Variants in RRM2 observed in about 807,000 individuals in gnomAD.
The protein encoded by RRM2 is ribonucleoside-diphosphate reductase subunit M2.
A neutral mutation model predicts 45.9 loss-of-function variants in RRM2; 6 were observed. That is an observed-to-expected ratio of 0.13 (90% CI 0.07 to 0.26). The LOEUF (loss-of-function observed/expected upper bound fraction) is 0.26, where lower values mean the gene tolerates loss of function less well. Ranked by LOEUF, RRM2 falls within the 10% of genes least tolerant of loss-of-function variation. RRM2 has a pLI of 1.00. For synonymous variants in RRM2, 177 were observed against 173.0 expected (o/e 1.02, Z -0.18); for missense variants, 343 against 489.5 (o/e 0.70, Z 2.82).
At chr2:10,180,024 T>C (rs946663934) in intron 3 of RRM2, among the ~76,000 whole-genome samples, 1 of 152,188 alleles carries the variant, frequency 6.6e-6, no homozygotes, top group African/African-American at 2.4e-5. Context: ...CCAATGACTT[T>C]CCTGTGGGAT....
At chr2:10,140,535 G>A (rs1235651288), upstream of RRM2, among the ~76,000 whole-genome samples, 1 of 152,206 alleles carries the variant, frequency 6.6e-6, no homozygotes, top group Non-Finnish European at 1.5e-5. Flanking sequence ...CATTGGTGGT[G>A]GCTGAGCCAG....
chr2:10,125,610 C>T (rs1046894128), intron 5 of RRM2, among the ~76,000 whole-genome samples: 34 of 152,226 alleles, frequency 2.2e-4, no homozygotes, highest in African/African-American at 8.2e-4. Flanking sequence ...AGGAGAATGG[C>T]GTGAACCCGG....
chr2:10,131,563 A>G (rs1330257563), downstream of RRM2: 2 of 152,080 alleles, frequency 1.3e-5, no homozygotes, highest in East Asian at 3.9e-4. Flanking sequence ...ACATGGTGAC[A>G]CCCCATCTCT....
Position 10,161,680 on chromosome 2 carries a change from TCA to T in RRM2, n.482+19322_482+19323del, listed in dbSNP as rs59307518. On this transcript the variant is annotated intron_variant and non_coding_transcript_variant, in intron 3 of 3. Coordinates refer to the RRM2 transcript ENST00000381786. ...CTCACACTCATGCACACACACACAT[TCA>T]CACACACACACACACATTCACATGC... Among the ~76,000 whole-genome samples, 274 of 149,826 alleles carry T rather than the reference TCA, an allele frequency of 1.8e-3. 1 individual carries two copies. Among genetic ancestry groups the T allele is most frequent in the African/African-American group, 5.5e-3 (224 of 41,058 alleles).
upstream of RRM2, among the ~76,000 whole-genome samples, chr2:10,140,685 A>G (rs1216010765): frequency 6.6e-6 from 1 of 152,246 alleles, no homozygotes; most frequent in African/African-American, 2.4e-5. Context: ...AGTTATGGGT[A>G]TACTGTGCTT....
At position 10,128,964 on chromosome 2, in the gene RRM2, G is replaced by A. The variant is rs1170556155; in HGVS notation, c.903+12G>A. On this transcript the variant is annotated intron_variant, in intron 8 of 9. Coordinates refer to ENST00000304567, the MANE Select transcript of RRM2 (RefSeq NM_001034.4). ...TTCGGATAGAACAGGTAAAGTGGGT[G>A]ATGAAATGGGTCACTCAAGCTTGCT... 1 of 1,607,708 alleles carries A rather than the reference G, an allele frequency of 6.2e-7. No individual in the cohort carries two copies. Among genetic ancestry groups the A allele is most frequent in the Admixed American group, 1.7e-5 (1 of 60,022 alleles).
chr2:10,129,485 C>G lies in RRM2; in HGVS notation c.*99C>G. 3 of 1,230,022 alleles carry G rather than the reference C, an allele frequency of 2.4e-6. No individual in the cohort carries two copies. Among genetic ancestry groups the G allele is most frequent in the Non-Finnish European group, 3.4e-6 (3 of 872,632 alleles). 76.2% of individuals were successfully genotyped at this position (1,230,022 alleles called of 1,614,324 possible). A position where few individuals can be genotyped will look rare whatever the true frequency, so the allele number is the denominator to read the frequency against. On this transcript the variant is annotated 3_prime_UTR_variant, in exon 10 of 10. Transcript: ENST00000304567. This position sits in a 1 kb window ranked among gnomAD's most constrained non-coding sequence, Gnocchi z 4.8. ...CCAACTAGCCACACCATGAATTGTCCGTAATGTTCATTAACAGCATCTTTA... is the reference window on the plus strand; with the variant it reads ...CCAACTAGCCACACCATGAATTGTCGGTAATGTTCATTAACAGCATCTTTA...
intron 3 of RRM2, among the ~76,000 whole-genome samples, chr2:10,147,806 T>A (rs560854970): frequency 3.9e-4 from 60 of 152,326 alleles, no homozygotes; most frequent in Non-Finnish European, 5.3e-4. Context: ...CTCTATGCTA[T>A]CTTTTTCTTA....
chr2:10,128,901 A>G lies in RRM2; in HGVS notation c.852A>G (p.Pro284=), dbSNP rs560570626. The part of the protein sequence containing the change: ...CLMFKHLVHK[P]SEERVREIII... Reference sequence around the variant, plus strand: ...TGTTCAAACACCTGGTACACAAACCATCGGAGGAGAGAGTAAGAGAAATAA... The same window carrying G: ...TGTTCAAACACCTGGTACACAAACCGTCGGAGGAGAGAGTAAGAGAAATAA... Residue 284 remains proline, a synonymous_variant, in exon 8 of 10, where the codon CCA becomes CCG. Coordinates refer to ENST00000304567, the MANE Select transcript of RRM2 (RefSeq NM_001034.4). 9.3e-6 allele frequency: 15 copies of G among 1,614,146 alleles called. No individual in the cohort carries two copies. In the Admixed American group the frequency reaches 1.8e-4, roughly 20 times the overall value.
At position 10,167,514 on chromosome 2, in the gene RRM2, G is replaced by A. The variant is rs368286421; in HGVS notation, n.482+25139G>A. On this transcript the variant is annotated intron_variant and non_coding_transcript_variant, in intron 3 of 3. Transcript: ENST00000381786. ...TGAGTGTCAGGGCTCTGCACGCTGC[G>A]CCCTGCCTTGCTTCTTTCTCTCCTC... Among the ~76,000 whole-genome samples the A allele has an allele frequency of 7.2e-5, 11 of 152,160 alleles. No homozygotes were observed. In the East Asian group the frequency reaches 9.6e-4, roughly 13 times the overall value.
At position 10,172,498 on chromosome 2, in the gene RRM2, G is replaced by A. The variant is rs1182431117; in HGVS notation, n.482+30123G>A. On this transcript the variant is annotated intron_variant and non_coding_transcript_variant, in intron 3 of 3. Coordinates refer to the RRM2 transcript ENST00000381786. This position sits in a 1 kb window ranked among gnomAD's most constrained non-coding sequence, Gnocchi z 4.9. ...CCTTTTGTTTTTAGTTCAATTTTGTGAGCAGAATGCTCCTGGGGCCAATAG... is the reference window on the plus strand; with the variant it reads ...CCTTTTGTTTTTAGTTCAATTTTGTAAGCAGAATGCTCCTGGGGCCAATAG... Among the ~76,000 whole-genome samples, 6 of 152,160 alleles carry A rather than the reference G, an allele frequency of 3.9e-5. No homozygotes were observed. Among genetic ancestry groups the A allele is most frequent in the African/African-American group, 1.2e-4 (5 of 41,428 alleles).
Position 10,195,306 on chromosome 2 carries a change from T to C in RRM2, n.483-15005T>C, listed in dbSNP as rs1488960590. ...ACAGAGGAGGCAGCGGCTCAGGTGGTCCCAGGAGGATGGGTGGGGTTCGGA... is the reference window on the plus strand; with the variant it reads ...ACAGAGGAGGCAGCGGCTCAGGTGGCCCCAGGAGGATGGGTGGGGTTCGGA... On this transcript the variant is annotated intron_variant and non_coding_transcript_variant, in intron 3 of 3. Transcript: ENST00000381786. This position sits in a 1 kb window ranked among gnomAD's most constrained non-coding sequence, Gnocchi z 4.9. Among the ~76,000 whole-genome samples the C allele has an allele frequency of 6.6e-6, 1 of 151,940 alleles. No individual in the cohort carries two copies. The highest frequency in any genetic ancestry group is 1.5e-5 in the Non-Finnish European group (1 of 67,966).
chr2:10,170,723 G>T (rs1663783144), intron 3 of RRM2, among the ~76,000 whole-genome samples: 1 of 152,166 alleles, frequency 6.6e-6, no homozygotes, highest in South Asian at 2.1e-4. Flanking sequence ...CTGCTGGAAG[G>T]GGGTGTGCAG....
At chr2:10,167,976 T>TG (rs1169788677) in intron 3 of RRM2, among the ~76,000 whole-genome samples, 1 of 151,448 alleles carries the variant, frequency 6.6e-6, no homozygotes, top group Admixed American at 6.6e-5. Context: ...GTTCTGTGTT[T>TG]GGGGGTCTGA....
chr2:10,146,940 A>G (rs1253675918), intron 3 of RRM2, among the ~76,000 whole-genome samples: 2 of 151,954 alleles, frequency 1.3e-5, no homozygotes, highest in African/African-American at 4.8e-5. Flanking sequence ...TTAGATGTAT[A>G]CTTTAGTTTC....
chr2:10,124,106 CTCT>C (rs1303292349), intron 4 of RRM2: 116 of 397,754 alleles, frequency 2.9e-4, no homozygotes, highest in African/African-American at 1.4e-3. Context: ...CATCTGCCCC[CTCT>C]TTTTTTTTTT....
chr2:10,175,193 G>A (rs1663890589), intron 3 of RRM2, among the ~76,000 whole-genome samples: 1 of 152,198 alleles, frequency 6.6e-6, no homozygotes, highest in African/African-American at 2.4e-5. Flanking sequence ...ATAGAGCATG[G>A]CCAGTGCCCA....
chr2:10,146,285 T>C (rs1663184569), intron 3 of RRM2, among the ~76,000 whole-genome samples: 1 of 152,206 alleles, frequency 6.6e-6, no homozygotes, highest in African/African-American at 2.4e-5. Context: ...CTGGGCTGCC[T>C]CTTTCCCCAG....
At chr2:10,196,782 G>A (rs1664424811) in intron 3 of RRM2, among the ~76,000 whole-genome samples, 1 of 152,262 alleles carries the variant, frequency 6.6e-6, no homozygotes, top group Non-Finnish European at 1.5e-5. Flanking sequence ...CGGGAGGCCA[G>A]AGGGAGGGCC....
Sources: gnomAD v4.1 joint callset for allele counts (sites outside exome capture counted in the v4.1 genomes callset) on GRCh38, gnomAD v4.1.1 for gene constraint, Gnocchi (gnomAD v3.1) non-coding constraint, MANE v1.5 for transcripts, NCBI Gene and HGNC (gene_info 2026-07-23, HGNC 2026-07-21) for gene names.